CHRM3: variants seen among roughly 807,000 people sequenced by gnomAD.
The protein encoded by CHRM3 is muscarinic acetylcholine receptor M3.
CHRM3 carries 11 observed loss-of-function variants against 41.8 expected under a neutral mutation model. The observed-to-expected ratio is 0.26, with a 90% CI of 0.17 to 0.44. CHRM3 has a LOEUF of 0.44. Among genes scored for constraint, CHRM3 ranks in the 20% least tolerant of loss-of-function variants. The probability of loss-of-function intolerance (pLI) is 1.00; values close to 1 mark genes in which losing one functional copy is unlikely to be tolerated. For synonymous variants in CHRM3, 297 were observed against 301.4 expected (o/e 0.99, Z 0.15); for missense variants, 571 against 745.4 (o/e 0.77, Z 2.72).
chr1:239,504,740 G>C (rs904666239), intron 2 of CHRM3, among the ~76,000 whole-genome samples: 5 of 152,232 alleles, frequency 3.3e-5, no homozygotes, highest in Middle Eastern at 3.4e-3. Flanking sequence ...CCATAAAAAG[G>C]AATGAATTAA....
intron 3 of CHRM3, among the ~76,000 whole-genome samples, chr1:239,602,845 G>T (rs1429139736): frequency 6.6e-6 from 1 of 152,096 alleles, no homozygotes; most frequent in Admixed American, 6.6e-5. Context: ...GTGTACAAGT[G>T]TACAGTTCAG....
intron 6 of CHRM3, among the ~76,000 whole-genome samples, chr1:239,890,973 T>G (rs2102942328): frequency 6.6e-6 from 1 of 152,318 alleles, no homozygotes; most frequent in Admixed American, 6.5e-5. Flanking sequence ...ACCCTTCATA[T>G]AAGATCCCAG....
chr1:239,520,714 A>G (rs547826804), intron 2 of CHRM3, among the ~76,000 whole-genome samples: 11 of 152,306 alleles, frequency 7.2e-5, no homozygotes, highest in African/African-American at 2.6e-4. Context: ...AAGTCAAACC[A>G]GTGACTAAAA....
intron 4 of CHRM3, among the ~76,000 whole-genome samples, chr1:239,634,376 C>CGAAAGAAAGAAAGACA (rs1553347930): frequency 7.4e-6 from 1 of 135,458 alleles, no homozygotes; most frequent in Non-Finnish European, 1.6e-5. Flanking sequence ...CAAGAACAAA[C>CGAAAGAAAGAAAGACA]GAAAGAAAGA....
chr1:239,735,618 A>G (rs1664331230), intron 5 of CHRM3, among the ~76,000 whole-genome samples: 1 of 152,156 alleles, frequency 6.6e-6, no homozygotes, highest in Non-Finnish European at 1.5e-5. Context: ...ATTTTTGGCT[A>G]GAGGTATAAG....
intron 3 of CHRM3, among the ~76,000 whole-genome samples, chr1:239,569,432 A>G (rs924133699): frequency 6.6e-6 from 1 of 152,194 alleles, no homozygotes; most frequent in African/African-American, 2.4e-5. Context: ...CAATCATAAA[A>G]ACTTTCATAA....
At chr1:239,455,725 A>T (rs1456563062) in intron 1 of CHRM3, among the ~76,000 whole-genome samples, 2 of 152,224 alleles carry the variant, frequency 1.3e-5, no homozygotes, top group South Asian at 2.1e-4. Flanking sequence ...AAAAGTTTTT[A>T]AAAAATTTAT....
chr1:239,794,517 T>A (rs565510906), intron 5 of CHRM3, among the ~76,000 whole-genome samples: 1 of 152,104 alleles, frequency 6.6e-6, no homozygotes, highest in South Asian at 2.1e-4. Context: ...TAGAGCAAGA[T>A]GAATGGTAAC....
chr1:239,881,282 C>CAAAAAAA lies in CHRM3; in HGVS notation c.-19-26133_-19-26127dup, dbSNP rs71567253. ...TGGGCGACAGAGTGAGACTCCGTCT[C>CAAAAAAA]AAAAAAAAAAAAAAAAAAAAAAAAG... On this transcript the variant is annotated intron_variant, in intron 6 of 6. Transcript: ENST00000676153. Among the ~76,000 whole-genome samples the CAAAAAAA allele has an allele frequency of 7.5e-3, 253 of 33,954 alleles. 33 individuals are homozygous for CAAAAAAA. Among genetic ancestry groups the CAAAAAAA allele is most frequent in the African/African-American group, 0.014 (133 of 9,250 alleles). The allele number at this position is 33,954 out of a possible 152,430, so 22.3% of individuals were successfully genotyped here. A position where few individuals can be genotyped will look rare whatever the true frequency, so the allele number is the denominator to read the frequency against.
rs187933947 is a variant in CHRM3 at position 239,787,659 on chromosome 1, G to T, written c.-146-39593G>T. Among the ~76,000 whole-genome samples the T allele has an allele frequency of 1.8e-3, 271 of 152,250 alleles. 1 individual carries two copies. The highest frequency in any genetic ancestry group is 6.2e-3 in the African/African-American group (259 of 41,546). On this transcript the variant is annotated intron_variant, in intron 5 of 6. Transcript: ENST00000676153. ...TGATCGTGCTGGCCCATGCTGAGGG[G>T]AAGCGGGAACAGCTACCTCACACTC...
chr1:239,442,707 T>A (rs984796590), intron 1 of CHRM3, among the ~76,000 whole-genome samples: 1 of 152,080 alleles, frequency 6.6e-6, no homozygotes, highest in African/African-American at 2.4e-5. Flanking sequence ...ATGACCCAGG[T>A]CTTATTTTGA....
chr1:239,504,703 A>T (rs1043638643), intron 2 of CHRM3, among the ~76,000 whole-genome samples: 11 of 152,202 alleles, frequency 7.2e-5, no homozygotes, highest in African/African-American at 1.9e-4. Flanking sequence ...AAATTATGGT[A>T]TATTTATATG....
intron 4 of CHRM3, among the ~76,000 whole-genome samples, chr1:239,661,070 TC>T (rs372713287): frequency 3.4e-3 from 513 of 152,274 alleles, no homozygotes; most frequent in African/African-American, 0.012. Flanking sequence ...GGTCTCCTGA[TC>T]AGTAAGTGAC....
At chr1:239,820,403 A>G (rs1316155822) in intron 5 of CHRM3, among the ~76,000 whole-genome samples, 1 of 152,210 alleles carries the variant, frequency 6.6e-6, no homozygotes, top group Non-Finnish European at 1.5e-5. Context: ...GTGTGTGACA[A>G]AAAGTCTATC....
At position 239,396,340 on chromosome 1, in the gene CHRM3, A is replaced by T. The variant is rs368868197; in HGVS notation, c.-521+9113A>T. Among the ~76,000 whole-genome samples, 81 of 152,258 alleles carry T rather than the reference A, an allele frequency of 5.3e-4. 1 individual carries two copies. Among genetic ancestry groups the T allele is most frequent in the African/African-American group, 1.8e-3 (73 of 41,554 alleles). On this transcript the variant is annotated intron_variant, in intron 1 of 6. Coordinates refer to ENST00000676153, the MANE Select transcript of CHRM3 (RefSeq NM_001375978.1). Reference sequence around the variant, plus strand: ...CTCAGTGTGCACATTCGCATATAAAATATGTAAACAGGCACAGTGGCTCAC... The same window carrying T: ...CTCAGTGTGCACATTCGCATATAAATTATGTAAACAGGCACAGTGGCTCAC...
At chr1:239,453,960 A>T (rs547456866) in intron 1 of CHRM3, among the ~76,000 whole-genome samples, 1 of 152,276 alleles carries the variant, frequency 6.6e-6, no homozygotes, top group African/African-American at 2.4e-5. Flanking sequence ...AGCCAGGTTG[A>T]TGGGAAGTGT....
chr1:239,642,116 A>G lies in CHRM3; in HGVS notation c.-250+9830A>G, dbSNP rs1314975275. Among the ~76,000 whole-genome samples, 2 of 101,942 alleles carry G rather than the reference A, an allele frequency of 2.0e-5. 1 individual carries two copies. The highest frequency in any genetic ancestry group is 8.1e-5 in the African/African-American group (2 of 24,604). The allele number at this position is 101,942 out of a possible 152,430, so 66.9% of individuals were successfully genotyped here. A position where few individuals can be genotyped will look rare whatever the true frequency, so the allele number is the denominator to read the frequency against. On this transcript the variant is annotated intron_variant, in intron 4 of 6. Coordinates refer to ENST00000676153, the MANE Select transcript of CHRM3 (RefSeq NM_001375978.1). ...GCCCCCACTCTCTTCTGGCTTGTAG[A>G]GTTTCTGCCGAGAGACCCTCTGTTA... is the stretch of plus-strand genomic sequence containing the variant.
intron 6 of CHRM3, among the ~76,000 whole-genome samples, chr1:239,901,837 C>T (rs1231649726): frequency 2.0e-5 from 3 of 152,150 alleles, no homozygotes; most frequent in Non-Finnish European, 2.9e-5. Context: ...TCCTTGTGTA[C>T]ATACGAATGC....
At chr1:239,827,142 G>A (rs928011117) in intron 5 of CHRM3, 110 bp from the exon 6 acceptor site, 3 of 152,152 alleles carry the variant, frequency 2.0e-5, no homozygotes, top group African/African-American at 7.2e-5. Flanking sequence ...TCTAGGGAGG[G>A]AAAACAGAGA....
Sources: allele counts gnomAD v4.1 joint callset (sites outside exome capture counted in the v4.1 genomes callset), GRCh38; gene constraint gnomAD v4.1.1; transcripts MANE v1.5; gene names NCBI Gene and HGNC (gene_info 2026-07-23, HGNC 2026-07-21).